Variants in RARRES1 observed in about 807,000 individuals in gnomAD.
RARRES1 encodes the protein retinoic acid receptor responder protein 1.
Under a neutral mutation model 30.6 loss-of-function variants are expected in RARRES1, and 34 were observed. The ratio of observed to expected loss-of-function variants is 1.11; its 90% CI spans 0.84 to 1.48. The LOEUF is 1.48. Ranked by LOEUF, RARRES1 falls within the 40% of genes most tolerant of loss-of-function variation. The pLI, the probability that RARRES1 is intolerant of heterozygous loss-of-function variation, is 0.00. For missense variants in RARRES1, 373 were observed against 386.5 expected (o/e 0.97, Z 0.29); for synonymous variants, 153 against 155.5 (o/e 0.98, Z 0.12).
chr3:158,724,056 C>T (rs1338446508), intron 1 of RARRES1, among the ~76,000 whole-genome samples: 1 of 152,166 alleles, frequency 6.6e-6, no homozygotes, highest in Non-Finnish European at 1.5e-5. Flanking sequence ...ATTGGCTGTT[C>T]AGGAGCTTTG....
At chr3:158,716,413 C>G (rs1377194143) in intron 1 of RARRES1, among the ~76,000 whole-genome samples, 1 of 152,094 alleles carries the variant, frequency 6.6e-6, no homozygotes, top group Non-Finnish European at 1.5e-5. Flanking sequence ...CTTCCTTATT[C>G]TTGATATAAT....
chr3:158,730,411 CCTT>C (rs1411461625), intron 1 of RARRES1, among the ~76,000 whole-genome samples: 3 of 108,166 alleles, frequency 2.8e-5, no homozygotes, highest in Admixed American at 8.8e-5. Context: ...TTCCTTCCTT[CCTT>C]CCTCTCTCTC....
chr3:158,718,755 T>C (rs1727405266), intron 1 of RARRES1, among the ~76,000 whole-genome samples: 1 of 152,196 alleles, frequency 6.6e-6, no homozygotes, highest in Non-Finnish European at 1.5e-5. Flanking sequence ...ACTCACCTTA[T>C]AAAGACCTCT....
At chr3:158,700,065 G>A (rs755504250) in intron 4 of RARRES1, among the ~76,000 whole-genome samples, 1 of 152,056 alleles carries the variant, frequency 6.6e-6, no homozygotes, top group Non-Finnish European at 1.5e-5. Flanking sequence ...TGGACATGGT[G>A]GCTCATGCCT....
intron 1 of RARRES1, 134 bp from the exon 2 acceptor site, chr3:158,713,993 G>A: frequency 5.0e-6 from 4 of 798,962 alleles, no homozygotes; most frequent in Non-Finnish European, 8.1e-6. Flanking sequence ...AATTGGTGAT[G>A]GCTTAGAAGA....
At chr3:158,717,997 G>A (rs970943813) in intron 1 of RARRES1, among the ~76,000 whole-genome samples, 2 of 78,144 alleles carry the variant, frequency 2.6e-5, no homozygotes, top group African/African-American at 5.2e-5. Context: ...TTTTTTTTTT[G>A]AGACAGAGTC....
chr3:158,711,729 G>A (rs1727143704), intron 2 of RARRES1, among the ~76,000 whole-genome samples: 1 of 151,642 alleles, frequency 6.6e-6, no homozygotes, highest in African/African-American at 2.4e-5. Context: ...TGAGTAGCTG[G>A]GATTACAGGT....
intron 1 of RARRES1, among the ~76,000 whole-genome samples, chr3:158,728,540 T>TTTTTTATA (rs1727769337): frequency 6.7e-6 from 1 of 148,462 alleles, no homozygotes; most frequent in African/African-American, 2.5e-5. Context: ...TTTTTGGTTT[T>TTTTTTATA]TGAGACAGAT....
At chr3:158,704,534 T>G in intron 4 of RARRES1, 1 of 404,552 alleles carries the variant, frequency 2.5e-6, no homozygotes, top group East Asian at 4.4e-5. Context: ...ACATATTTAT[T>G]TATTAGCTCA....
chr3:158,702,799 T>C (rs7651847), intron 4 of RARRES1, among the ~76,000 whole-genome samples: 53,846 of 152,032 alleles, frequency 0.35, 9,718 homozygotes, highest in Middle Eastern at 0.41. Flanking sequence ...TGACTTGTTA[T>C]ATGGCAACAA....
chr3:158,716,292 TGTA>T (rs2108144284), intron 1 of RARRES1, among the ~76,000 whole-genome samples: 1 of 152,296 alleles, frequency 6.6e-6, no homozygotes, highest in African/African-American at 2.4e-5. Flanking sequence ...TAGAATTTGA[TGTA>T]GTCCCCCAGG....
chr3:158,699,744 G>A (rs1726663841), intron 4 of RARRES1, among the ~76,000 whole-genome samples: 1 of 152,160 alleles, frequency 6.6e-6, no homozygotes, highest in Non-Finnish European at 1.5e-5. Context: ...ACCCACGAAT[G>A]TTCAAAGCAA....
At chr3:158,711,422 A>G (rs1266305820) in intron 2 of RARRES1, among the ~76,000 whole-genome samples, 2 of 152,092 alleles carry the variant, frequency 1.3e-5, no homozygotes, top group Non-Finnish European at 2.9e-5. Context: ...TACCTACTCC[A>G]TGTCGCACAG....
chr3:158,718,898 C>T (rs1011083112), intron 1 of RARRES1, among the ~76,000 whole-genome samples: 10 of 152,088 alleles, frequency 6.6e-5, no homozygotes, highest in South Asian at 6.2e-4. Context: ...AAATCTGACA[C>T]GAGGAAAGGT....
chr3:158,705,445 CT>C (rs199736122), intron 3 of RARRES1, among the ~76,000 whole-genome samples: 35 of 147,424 alleles, frequency 2.4e-4, no homozygotes, highest in African/African-American at 3.0e-4. Context: ...AGTTAAGAAG[CT>C]TTTTTTTTTT....
At chr3:158,711,467 C>A (rs983142430) in intron 2 of RARRES1, among the ~76,000 whole-genome samples, 2 of 152,162 alleles carry the variant, frequency 1.3e-5, no homozygotes, top group African/African-American at 4.8e-5. Context: ...CTTCTAACAC[C>A]GAAGCCCAGG....
rs1727922957 is a variant in RARRES1, at chr3:158,732,197, C to G, written c.219G>C (p.Arg73=). ...ARAALHFFNF[R]SGSPSALRVL... is the part of the protein sequence containing the mutation. ...CTCGTAGCGCGCTGGGCGAGCCGGA[C>G]CGGAAGTTGAAGAAGTGAAGCGCCG... The change falls in exon 1 of 6, where the codon CGG becomes CGC. Residue 73 remains arginine (R), a synonymous_variant. Transcript: ENST00000237696. 7.0e-7 allele frequency: 1 copy of G among 1,423,488 alleles called. No homozygotes were observed. The highest frequency in any genetic ancestry group is 9.1e-7 in the Non-Finnish European group (1 of 1,094,780). The allele number at this position is 1,423,488 out of a possible 1,614,324, so 88.2% of individuals were successfully genotyped here.
intron 4 of RARRES1, among the ~76,000 whole-genome samples, chr3:158,701,059 A>T (rs1334535619): frequency 1.3e-5 from 2 of 152,210 alleles, no homozygotes; most frequent in Non-Finnish European, 2.9e-5. Context: ...TGGCTAATGG[A>T]GACTTCTACT....
At chr3:158,725,947 TTA>T (rs1485331708) in intron 1 of RARRES1, among the ~76,000 whole-genome samples, 1 of 152,212 alleles carries the variant, frequency 6.6e-6, no homozygotes, top group Admixed American at 6.5e-5. Flanking sequence ...TTCAGAATTG[TTA>T]TGTTTCATCC....
Sources: gnomAD v4.1 joint callset for allele counts (sites outside exome capture counted in the v4.1 genomes callset) on GRCh38, gnomAD v4.1.1 for gene constraint, MANE v1.5 for transcripts, NCBI Gene and HGNC (gene_info 2026-07-23, HGNC 2026-07-21) for gene names.